RGL1: variants seen among roughly 807,000 people sequenced by gnomAD.
The protein encoded by RGL1 is ral guanine nucleotide dissociation stimulator-like 1.
A neutral mutation model predicts 95.2 loss-of-function variants in RGL1; 24 were observed. The ratio of observed to expected loss-of-function variants is 0.25; its 90% CI spans 0.18 to 0.35. The LOEUF is 0.35. Ranked by LOEUF, RGL1 falls within the 10% of genes least tolerant of loss-of-function variation. The pLI is 1.00. For synonymous variants in RGL1, 329 were observed against 344.9 expected (o/e 0.95, Z 0.51); for missense variants, 715 against 936.3 (o/e 0.76, Z 3.08).
chr1:183,920,979 G>C (rs186903830), intron 16 of RGL1, among the ~76,000 whole-genome samples: 1 of 152,116 alleles, frequency 6.6e-6, no homozygotes. Context: ...GGGGGGTCGT[G>C]GGGGGCTTTC....
At chr1:183,639,749 T>C (rs2101970941) in intron 1 of RGL1, among the ~76,000 whole-genome samples, 1 of 152,076 alleles carries the variant, frequency 6.6e-6, no homozygotes. Flanking sequence ...TTGAATTTAT[T>C]TGGGAATTAG....
chr1:183,905,246 T>C (rs1041996668), intron 13 of RGL1, among the ~76,000 whole-genome samples: 3 of 152,204 alleles, frequency 2.0e-5, no homozygotes, highest in African/African-American at 7.2e-5. Flanking sequence ...ATCTGTAGAA[T>C]GTTTGTGAGG....
At chr1:183,702,696 T>A (rs1654671837) in intron 1 of RGL1, among the ~76,000 whole-genome samples, 1 of 152,144 alleles carries the variant, frequency 6.6e-6, no homozygotes, top group Non-Finnish European at 1.5e-5. Flanking sequence ...CACATACTGA[T>A]GTGGGCAGGC....
chr1:183,719,047 A>G (rs904233661), intron 1 of RGL1, among the ~76,000 whole-genome samples: 1 of 152,242 alleles, frequency 6.6e-6, no homozygotes, highest in Non-Finnish European at 1.5e-5. Context: ...AATGTTTTCT[A>G]TATTATCAAC....
chr1:183,747,814 GCCA>G (rs1478018138), intron 2 of RGL1, among the ~76,000 whole-genome samples: 2 of 152,142 alleles, frequency 1.3e-5, no homozygotes, highest in Admixed American at 6.5e-5. Context: ...TTGTGTCTCT[GCCA>G]GGTGTTGGTA....
intron 2 of RGL1, among the ~76,000 whole-genome samples, chr1:183,820,378 G>A (rs1243514803): frequency 6.6e-6 from 1 of 152,108 alleles, no homozygotes; most frequent in Admixed American, 6.5e-5. Context: ...GAGTTTTAAG[G>A]TGATAATGCT....
At chr1:183,900,112 A>G (rs762461714) in intron 10 of RGL1, 38 bp from the exon 11 acceptor site, 14 of 1,557,376 alleles carry the variant, frequency 9.0e-6, no homozygotes, top group South Asian at 1.1e-5. Context: ...CAACTTTTCA[A>G]TGACAATAAA....
At chr1:183,697,089 G>A (rs180968393) in intron 1 of RGL1, among the ~76,000 whole-genome samples, 23 of 152,260 alleles carry the variant, frequency 1.5e-4, no homozygotes, top group African/African-American at 4.3e-4. Flanking sequence ...AATGGCCTAC[G>A]TGATCTGTAG....
At chr1:183,873,911 G>A (rs10911456) in intron 4 of RGL1, among the ~76,000 whole-genome samples, 78,689 of 151,948 alleles carry the variant, frequency 0.52, 20,503 homozygotes, top group East Asian at 0.56. Flanking sequence ...CTTGTGCCTC[G>A]TAGCATCTGT....
intron 1 of RGL1, chr1:183,646,712 A>G (rs1485507752): frequency 1.3e-5 from 2 of 152,206 alleles, no homozygotes; most frequent in African/African-American, 4.8e-5. Context: ...AGGGGAATGG[A>G]TGCTAACAAA....
At chr1:183,904,787 A>C in intron 12 of RGL1, 63 bp from the exon 13 acceptor site, 1 of 1,500,686 alleles carries the variant, frequency 6.7e-7, no homozygotes, top group Non-Finnish European at 9.0e-7. Flanking sequence ...GAAAGATTCT[A>C]TATTTGGTTG....
At chr1:183,885,277 A>C (rs1307367108) in intron 7 of RGL1, among the ~76,000 whole-genome samples, 1 of 152,216 alleles carries the variant, frequency 6.6e-6, no homozygotes, top group African/African-American at 2.4e-5. Flanking sequence ...CATGTTCAGT[A>C]AATATAAATG....
exon 2 of RGL1, chr1:183,742,163 G>A: frequency 1.2e-6 from 2 of 1,614,000 alleles, no homozygotes; most frequent in East Asian, 2.2e-5. Flanking sequence ...TCAAGATGGA[G>A]GTGAAACCTG....
intron 2 of RGL1, among the ~76,000 whole-genome samples, chr1:183,773,955 GA>G (rs11306110): frequency 0.99 from 148,410 of 150,012 alleles, 73,427 homozygotes; most frequent in Non-Finnish European, 1. Context: ...ACTTGGGAAA[GA>G]AAAAAAAAAA....
chr1:183,705,682 G>A (rs902225574), intron 1 of RGL1, among the ~76,000 whole-genome samples: 16 of 152,212 alleles, frequency 1.1e-4, no homozygotes, highest in African/African-American at 3.6e-4. Flanking sequence ...AACAGGTGGT[G>A]TTGGAGGGAA....
At chr1:183,816,005 C>T (rs762286969) in intron 2 of RGL1, among the ~76,000 whole-genome samples, 1 of 152,132 alleles carries the variant, frequency 6.6e-6, no homozygotes, top group Non-Finnish European at 1.5e-5. Context: ...TCATTAACAT[C>T]CCTCTCTCAT....
At chr1:183,690,944 C>T (rs1051180565) in intron 1 of RGL1, among the ~76,000 whole-genome samples, 12 of 152,034 alleles carry the variant, frequency 7.9e-5, no homozygotes. Flanking sequence ...TTGTCATTGA[C>T]ATGATATGCC....
intron 1 of RGL1, among the ~76,000 whole-genome samples, chr1:183,706,392 C>T (rs1349192678): frequency 6.6e-6 from 1 of 152,194 alleles, no homozygotes; most frequent in East Asian, 1.9e-4. Context: ...ACTGGCCTAC[C>T]TGCCACCATC....
intron 2 of RGL1, among the ~76,000 whole-genome samples, chr1:183,766,570 TA>T (rs1467910213): frequency 3.3e-5 from 5 of 152,176 alleles, no homozygotes; most frequent in African/African-American, 1.2e-4. Flanking sequence ...ACCTTGGAAA[TA>T]AACACCATTT....
Sources: gnomAD v4.1 joint callset for allele counts (sites outside exome capture counted in the v4.1 genomes callset) on GRCh38, gnomAD v4.1.1 for gene constraint, MANE v1.5 for transcripts, NCBI Gene and HGNC (gene_info 2026-07-23, HGNC 2026-07-21) for gene names.